Variants in CYB5R3 observed in about 807,000 individuals in gnomAD.
CYB5R3 encodes NADH-cytochrome b5 reductase 3.
Under a neutral mutation model 36.5 loss-of-function variants are expected in CYB5R3, and 28 were observed. That is an observed-to-expected ratio of 0.77 (90% CI 0.57 to 1.05). The LOEUF (loss-of-function observed/expected upper bound fraction) is 1.05, where lower values mean the gene tolerates loss of function less well. Among genes scored for constraint, CYB5R3 ranks in the 50% least tolerant of loss-of-function variants. The pLI, the probability that CYB5R3 is intolerant of heterozygous loss-of-function variation, is 0.00. For missense variants in CYB5R3, 474 were observed against 408.9 expected, an observed-to-expected ratio of 1.16 and a Z score of -1.37; for synonymous variants, 181 against 159.8, an observed-to-expected ratio of 1.13 and a Z score of -1.00.
At chr22:42,645,018 A>G (rs533004667) in intron 1 of CYB5R3, among the ~76,000 whole-genome samples, 9 of 152,014 alleles carry the variant, frequency 5.9e-5, no homozygotes, top group Non-Finnish European at 1.3e-4. Flanking sequence ...CTGGTTTCTG[A>G]TTTTCTGTTG....
At chr22:42,642,589 C>A (rs1929338080) in intron 1 of CYB5R3, among the ~76,000 whole-genome samples, 1 of 152,176 alleles carries the variant, frequency 6.6e-6, no homozygotes, top group Non-Finnish European at 1.5e-5. Context: ...CAGGCGTTCG[C>A]CACCAAGCCC....
chr22:42,636,689 A>T (rs1189402084), intron 2 of CYB5R3, 26 bp downstream of exon 2: 6 of 1,607,578 alleles, frequency 3.7e-6, no homozygotes, highest in Admixed American at 1.7e-5. Flanking sequence ...GATGCTGACG[A>T]GGCAGCGGCG....
rs734637 is a variant in CYB5R3 at position 42,644,076 on chromosome 22, A to G, written c.21+5219T>C. Among the ~76,000 whole-genome samples the G allele has an allele frequency of 0.63, 95,055 of 151,892 alleles. 30,011 individuals are homozygous for G. The highest frequency in any genetic ancestry group is 0.87 in the East Asian group (4,507 of 5,154). The stretch of plus-strand genomic sequence containing the variant: ...CGCTCACCACATGACACTGTTATCT[A>G]TCCCTCAGATAGATGAAGTGACCTG... On this transcript the variant is annotated intron_variant, in intron 1 of 8. Coordinates refer to ENST00000352397, the MANE Select transcript of CYB5R3 (RefSeq NM_000398.7).
chr22:42,642,563 C>T (rs1256879113), intron 1 of CYB5R3, among the ~76,000 whole-genome samples: 3 of 152,182 alleles, frequency 2.0e-5, no homozygotes, highest in Non-Finnish European at 4.4e-5. Flanking sequence ...CTCAGCCTCC[C>T]GAGTAGCTGG....
rs67349863 is a variant in CYB5R3, at chr22:42,638,728, T to TAAAAAAAAAA, written c.22-1892_22-1883dup. Among the ~76,000 whole-genome samples, 44 of 47,518 alleles carry TAAAAAAAAAA rather than the reference T, an allele frequency of 9.3e-4. 2 individuals are homozygous for TAAAAAAAAAA. The highest frequency in any genetic ancestry group is 5.1e-3 in the East Asian group (10 of 1,948). The allele number at this position is 47,518 out of a possible 152,430, so 31.2% of individuals were successfully genotyped here. On this transcript the variant is annotated intron_variant, in intron 1 of 8. Coordinates refer to ENST00000352397, the MANE Select transcript of CYB5R3 (RefSeq NM_000398.7). ...GCCTGGGAGACAGAGCAAGACTCCA[T>TAAAAAAAAAA]AAAAAAAAAAAAAAAAAAAAAAGGC...
At chr22:42,622,815 G>A (rs990266780) in intron 8 of CYB5R3, among the ~76,000 whole-genome samples, 1 of 152,264 alleles carries the variant, frequency 6.6e-6, no homozygotes, top group Non-Finnish European at 1.5e-5. Context: ...CTGTGGGGCC[G>A]TAGGAGGTGC....
rs1109585 is a variant in CYB5R3 at position 42,644,915 on chromosome 22, C to T, written c.21+4380G>A. ...GAGGCACCTTCCCCCATTTCCTCCC[C>T]GGCCCTCCCACAGTGGTGCAAGGTG... is the stretch of plus-strand genomic sequence containing the variant. On this transcript the variant is annotated intron_variant, in intron 1 of 8. Transcript: ENST00000352397. 0.47 allele frequency among the ~76,000 whole-genome samples: 70,962 copies of T among 151,924 alleles called. 17,174 individuals are homozygous for T. The highest frequency in any genetic ancestry group is 0.53 in the Middle Eastern group (156 of 292).
intron 8 of CYB5R3, among the ~76,000 whole-genome samples, chr22:42,620,478 C>G (rs1927905178): frequency 6.6e-6 from 1 of 152,160 alleles, no homozygotes; most frequent in African/African-American, 2.4e-5. Flanking sequence ...CCATGAGGAA[C>G]TGAGTCTCAT....
chr22:42,630,774 G>A (rs1928567250), intron 4 of CYB5R3, 108 bp downstream of exon 4: 4 of 954,254 alleles, frequency 4.2e-6, no homozygotes, highest in Non-Finnish European at 6.6e-6. Flanking sequence ...CCGAGGCTGG[G>A]CTGCACAGGG....
At chr22:42,627,712 C>A in intron 5 of CYB5R3, 24 bp from the exon 6 acceptor site, 1 of 1,565,282 alleles carries the variant, frequency 6.4e-7, no homozygotes, top group Non-Finnish European at 8.8e-7. Context: ...AGGGGTGAGG[C>A]CCGGCCATCA....
chr22:42,628,535 G>A (rs143569126), intron 4 of CYB5R3, among the ~76,000 whole-genome samples: 27 of 152,224 alleles, frequency 1.8e-4, no homozygotes, highest in African/African-American at 3.1e-4. Context: ...GTACAAGGCC[G>A]ACCAACTCCA....
At chr22:42,628,475 G>A (rs889599089) in intron 4 of CYB5R3, among the ~76,000 whole-genome samples, 194 bp from the exon 5 acceptor site, 1 of 152,110 alleles carries the variant, frequency 6.6e-6, no homozygotes, top group Non-Finnish European at 1.5e-5. Context: ...GTCCTCCCAG[G>A]AGTCAGCCTC....
chr22:42,648,841 C>A (rs972629736), intron 1 of CYB5R3, among the ~76,000 whole-genome samples: 2 of 136,204 alleles, frequency 1.5e-5, no homozygotes, highest in African/African-American at 5.7e-5. Flanking sequence ...TACTCCCGTA[C>A]ACACACACAC....
intron 2 of CYB5R3, among the ~76,000 whole-genome samples, chr22:42,635,499 C>G (rs1405327225): frequency 6.6e-6 from 1 of 152,202 alleles, no homozygotes; most frequent in East Asian, 1.9e-4. Context: ...CTCGGCCTCC[C>G]AAAGTGCTGG....
intron 1 of CYB5R3, chr22:42,644,507 C>A (rs2146911774): frequency 1.5e-6 from 2 of 1,312,136 alleles, no homozygotes; most frequent in East Asian, 5.0e-5. Context: ...AACTCCTATT[C>A]ATTCCTCAGA....
chr22:42,631,192 G>A lies in CYB5R3; in HGVS notation c.226+186C>T, dbSNP rs1055353970. 19 of 754,082 alleles carry A rather than the reference G, an allele frequency of 2.5e-5. No homozygotes were observed. The Admixed American group carries it at 3.9e-4, about 16-fold the overall frequency. The allele number at this position is 754,082 out of a possible 1,614,324, so 46.7% of individuals were successfully genotyped here. A position where few individuals can be genotyped will look rare whatever the true frequency, so the allele number is the denominator to read the frequency against. ...TGCCTTCACTCCTGCTGGTGCCACTGCCAGGGACTCTGGGCCTTCCCACTC... is the reference window on the plus strand; with the variant it reads ...TGCCTTCACTCCTGCTGGTGCCACTACCAGGGACTCTGGGCCTTCCCACTC... On this transcript the variant is annotated intron_variant, in intron 3 of 8. Transcript: ENST00000352397.
At chr22:42,623,362 T>G (rs1928085540) in intron 8 of CYB5R3, among the ~76,000 whole-genome samples, 1 of 152,050 alleles carries the variant, frequency 6.6e-6, no homozygotes, top group South Asian at 2.1e-4. Context: ...CCCAGCCCAC[T>G]CCCCAGGGCT....
chr22:42,649,287 C>G lies in CYB5R3; in HGVS notation c.21+8G>C. ...GCCCCGCGGCCCCGGCGCCCCCTCC[C>G]CGCCTACCGTGCTGAGCTGGGCCCC... On this transcript the variant is annotated splice_region_variant and intron_variant, in intron 1 of 8. Transcript: ENST00000352397. 9.8e-7 allele frequency: 1 copy of G among 1,019,634 alleles called. No individual in the cohort carries two copies. The highest frequency in any genetic ancestry group is 1.2e-6 in the Non-Finnish European group (1 of 849,072). 63.2% of individuals were successfully genotyped at this position (1,019,634 alleles called of 1,614,324 possible).
At position 42,637,026 on chromosome 22, in the gene CYB5R3, A is replaced by T. The variant is rs901945172; in HGVS notation, c.22-180T>A. ...TGGTGCCCACTAGGAGAAGCTATAA[A>T]GACCAGCCTCATGACACCTGTCACT... is the stretch of plus-strand genomic sequence containing the variant. On this transcript the variant is annotated intron_variant, in intron 1 of 8. Transcript: ENST00000352397. 7 of 763,396 alleles carry T rather than the reference A, an allele frequency of 9.2e-6. No individual in the cohort carries two copies. In the African/African-American group the frequency reaches 1.2e-4, roughly 13 times the overall value. The allele number at this position is 763,396 out of a possible 1,614,324, so 47.3% of individuals were successfully genotyped here.
Sources: allele counts gnomAD v4.1 joint callset (sites outside exome capture counted in the v4.1 genomes callset), GRCh38; gene constraint gnomAD v4.1.1; transcripts MANE v1.5; gene names NCBI Gene and HGNC (gene_info 2026-07-23, HGNC 2026-07-21).